Variants in DSC2 observed in about 807,000 individuals in gnomAD.
DSC2 encodes the protein desmocollin 2.
DSC2 carries 51 observed loss-of-function variants against 87.6 expected under a neutral mutation model. The observed-to-expected ratio is 0.58, with a 90% CI of 0.46 to 0.74. The LOEUF (loss-of-function observed/expected upper bound fraction) is 0.74, where lower values mean the gene tolerates loss of function less well. Among genes scored for constraint, DSC2 ranks in the 30% least tolerant of loss-of-function variants. The pLI is 0.00. For synonymous variants in DSC2, 383 were observed against 393.2 expected (o/e 0.97, Z 0.31); for missense variants, 1,066 against 1,089.5 (o/e 0.98, Z 0.30).
At position 31,086,549 on chromosome 18, in the gene DSC2, A is replaced by G. The variant is rs184982819; in HGVS notation, c.942+27T>C. On this transcript the variant is annotated intron_variant, in intron 7 of 15. Transcript: ENST00000280904. ...GGTACTATTGAATAGCCACGTTATA[A>G]TCAGGTTTTATTAATGTTTATGTTA... 88 of 1,613,852 alleles carry G rather than the reference A, an allele frequency of 5.5e-5. No individual in the cohort carries two copies. The East Asian group carries it at 1.7e-3, about 31-fold the overall frequency.
Position 31,102,180 on chromosome 18 carries a change from G to T in DSC2, c.-209C>A. 2.1e-6 allele frequency: 1 copy of T among 476,712 alleles called. No individual in the cohort carries two copies. Among genetic ancestry groups the T allele is most frequent in the Non-Finnish European group, 3.6e-6 (1 of 274,488 alleles). The allele number at this position is 476,712 out of a possible 1,614,324, so 29.5% of individuals were successfully genotyped here. ...GGGGCTTTTCCTTTGGCGGAGGGAG[G>T]GGCTCCAGACGCGTCCAAAAGACAC... On this transcript the variant is annotated 5_prime_UTR_variant, in exon 1 of 16. Coordinates refer to ENST00000280904, the MANE Select transcript of DSC2 (RefSeq NM_024422.6).
chr18:31,074,059 T>C (rs1325549552), intron 12 of DSC2, among the ~76,000 whole-genome samples: 5 of 152,302 alleles, frequency 3.3e-5, no homozygotes, highest in African/African-American at 9.6e-5. Context: ...CATACACTGA[T>C]GGAACAATAA....
chr18:31,084,936 T>G (rs186239167), intron 7 of DSC2, among the ~76,000 whole-genome samples: 2 of 152,212 alleles, frequency 1.3e-5, no homozygotes, highest in East Asian at 3.9e-4. Flanking sequence ...TCTGCATTAC[T>G]TGGTGAACCA....
intron 1 of DSC2, among the ~76,000 whole-genome samples, chr18:31,100,681 G>C (rs1029388179): frequency 6.6e-6 from 1 of 152,226 alleles, no homozygotes; most frequent in Non-Finnish European, 1.5e-5. Flanking sequence ...GAGAGCGGAA[G>C]AGAAGGGGAA....
Position 31,087,767 on chromosome 18 carries a change from G to T in DSC2, c.677C>A (p.Pro226Gln). The T allele has an allele frequency of 1.9e-6, 3 of 1,613,786 alleles. No individual in the cohort carries two copies. The highest frequency in any genetic ancestry group is 2.5e-6 in the Non-Finnish European group (3 of 1,179,800). Residue 226 changes from proline (P) to glutamine (Q), a missense_variant, in exon 6 of 16, where the codon CCA (proline) becomes CAA (glutamine). Physicochemically the swap from Pro to Gln is moderately conservative, Grantham distance 76. Coordinates refer to ENST00000280904, the MANE Select transcript of DSC2 (RefSeq NM_024422.6). ...TTPDGYTPELPLPLIIKIEDE... is the reference protein window; with the variant it reads ...TTPDGYTPELQLPLIIKIEDE... ...CTCTATTTTGATTATTAGGGGCAGT[G>T]GAAGTTCTGGAGTATACCCATCTGG...
chr18:31,081,143 A>G (rs1292592691), intron 9 of DSC2, among the ~76,000 whole-genome samples: 1 of 152,186 alleles, frequency 6.6e-6, no homozygotes, highest in East Asian at 1.9e-4. Context: ...CCTAAGATGA[A>G]TAAAATTATT....
chr18:31,069,138 C>T lies in DSC2; in HGVS notation c.2264G>A (p.Gly755Asp). The T allele has an allele frequency of 6.2e-7, 1 of 1,614,072 alleles. No individual in the cohort carries two copies. The highest frequency in any genetic ancestry group is 1.1e-5 in the South Asian group (1 of 91,076). The part of the protein sequence containing the change: ...PGDDKVYSAN[G>D]FTTQTVGASA... The stretch of plus-strand genomic sequence containing the variant: ...AGCGCCCACAGTTTGGGTTGTGAAG[C>T]CATTCGCAGAATACTGAAATGAAAA... Residue 755 changes from glycine to aspartate, a missense_variant, in exon 15 of 16, where the codon GGC (glycine) becomes GAC (aspartate). Physicochemically the swap from Gly to Asp is moderately conservative, Grantham distance 94. Coordinates refer to ENST00000280904, the MANE Select transcript of DSC2 (RefSeq NM_024422.6).
At chr18:31,101,652 C>T (rs1001482753) in intron 1 of DSC2, 2 of 476,508 alleles carry the variant, frequency 4.2e-6, no homozygotes, top group African/African-American at 4.1e-5. Flanking sequence ...GGCCCGCTCC[C>T]GCCTCTCCTT....
At position 31,066,588 on chromosome 18, in the gene DSC2, T is replaced by C. The variant is rs1986626086; in HGVS notation, c.*1427A>G. On this transcript the variant is annotated 3_prime_UTR_variant, in exon 16 of 16. Transcript: ENST00000280904. The stretch of plus-strand genomic sequence containing the variant: ...GCACATTATAGATAATCAAAAATAT[T>C]AGAAACACATTTAAAATGTCCATAT... 1.3e-5 allele frequency: 2 copies of C among 152,088 alleles called. No homozygotes were observed. Among genetic ancestry groups the C allele is most frequent in the African/African-American group, 2.4e-5 (1 of 41,432 alleles). The allele number at this position is 152,088 out of a possible 1,614,324, so 9.4% of individuals were successfully genotyped here. A position where few individuals can be genotyped will look rare whatever the true frequency, so the allele number is the denominator to read the frequency against.
intron 5 of DSC2, 21 bp downstream of exon 5, chr18:31,089,418 T>A (rs767056797): frequency 6.2e-7 from 1 of 1,613,252 alleles, no homozygotes; most frequent in East Asian, 2.2e-5. Flanking sequence ...GCTAATACAG[T>A]ACACACATTT....
rs184786820 is a variant in DSC2, at chr18:31,069,496, C to T, written c.2251-345G>A. The stretch of plus-strand genomic sequence containing the variant: ...TTGGGAGGCCGAGGCAAGCAGATCA[C>T]TTGAAATGAGGAATTCAAGACCAGC... On this transcript the variant is annotated intron_variant, in intron 14 of 15. Transcript: ENST00000280904. Among the ~76,000 whole-genome samples the T allele has an allele frequency of 3.2e-3, 490 of 152,164 alleles. 2 individuals are homozygous for T. The highest frequency in any genetic ancestry group is 4.4e-3 in the Non-Finnish European group (300 of 68,004).
At chr18:31,068,442 T>C (rs953217384) in intron 15 of DSC2, 38 of 1,256,274 alleles carry the variant, frequency 3.0e-5, no homozygotes, top group Admixed American at 6.9e-5. Flanking sequence ...GCAGCAAGTA[T>C]ACAGGTGTTC....
intron 12 of DSC2, among the ~76,000 whole-genome samples, chr18:31,072,632 A>C (rs569369284): frequency 7.9e-5 from 12 of 152,196 alleles, no homozygotes; most frequent in Non-Finnish European, 1.6e-4. Flanking sequence ...GAAAAAAACA[A>C]TAAAAAACTA....
rs1016096263 is a variant in DSC2 at position 31,101,641 on chromosome 18, C to T, written c.69+262G>A. 6 of 452,442 alleles carry T rather than the reference C, an allele frequency of 1.3e-5. No individual in the cohort carries two copies. The East Asian group carries it at 1.9e-4, about 14-fold the overall frequency. 28.0% of individuals were successfully genotyped at this position (452,442 alleles called of 1,614,324 possible). ...GGCCACGATTTTGGCTGGGCGAAAGCGGCCCGCTCCCGCCTCTCCTTGAGT... is the reference window on the plus strand; with the variant it reads ...GGCCACGATTTTGGCTGGGCGAAAGTGGCCCGCTCCCGCCTCTCCTTGAGT... On this transcript the variant is annotated intron_variant, in intron 1 of 15. Coordinates refer to ENST00000280904, the MANE Select transcript of DSC2 (RefSeq NM_024422.6).
rs953768562 is a variant in DSC2 at position 31,059,793 on chromosome 18, TTA to T, written c.*8220_*8221del. ...CCTAGTTTTAAAATACTACTATAGTTTATGTCTTTTCCCATTTAATTAAAGTT... is the reference window on the plus strand; with the variant it reads ...CCTAGTTTTAAAATACTACTATAGTTTGTCTTTTCCCATTTAATTAAAGTT... On this transcript the variant is annotated 3_prime_UTR_variant, in exon 16 of 16. Coordinates refer to ENST00000280904, the MANE Select transcript of DSC2 (RefSeq NM_024422.6). 4 of 152,320 alleles carry T rather than the reference TTA, an allele frequency of 2.6e-5. No individual in the cohort carries two copies. The highest frequency in any genetic ancestry group is 3.4e-3 in the Middle Eastern group (1 of 294). 9.4% of individuals were successfully genotyped at this position (152,320 alleles called of 1,614,324 possible). A position where few individuals can be genotyped will look rare whatever the true frequency, so the allele number is the denominator to read the frequency against.
chr18:31,090,789 A>C (rs568883333), intron 4 of DSC2, among the ~76,000 whole-genome samples: 1 of 152,282 alleles, frequency 6.6e-6, no homozygotes, highest in Non-Finnish European at 1.5e-5. Flanking sequence ...TGATGTGACA[A>C]TTCATTAAGG....
rs1196205919 is a variant in DSC2 at position 31,061,648 on chromosome 18, T to G, written c.*6367A>C. The G allele has an allele frequency of 6.6e-6, 1 of 151,998 alleles. No individual in the cohort carries two copies. The highest frequency in any genetic ancestry group is 2.4e-5 in the African/African-American group (1 of 41,262). 9.4% of individuals were successfully genotyped at this position (151,998 alleles called of 1,614,324 possible). ...CTCTAGCTTCTTTTTGTTGCCTGTTTTTTAGCATTATGCTCTTTTGTTTTA... is the reference window on the plus strand; with the variant it reads ...CTCTAGCTTCTTTTTGTTGCCTGTTGTTTAGCATTATGCTCTTTTGTTTTA... On this transcript the variant is annotated 3_prime_UTR_variant, in exon 16 of 16. Coordinates refer to ENST00000280904, the MANE Select transcript of DSC2 (RefSeq NM_024422.6).
intron 1 of DSC2, 106 bp downstream of exon 1, chr18:31,101,797 A>G (rs992105198): frequency 4.2e-6 from 4 of 960,982 alleles, no homozygotes; most frequent in South Asian, 5.6e-5. Context: ...AGGCCCCTTC[A>G]CCCCAGCTTT....
rs757641297 is a variant in DSC2 at position 31,093,661 on chromosome 18, A to G, written c.70-18T>C. 1 of 1,530,510 alleles carries G rather than the reference A, an allele frequency of 6.5e-7. No individual in the cohort carries two copies. The highest frequency in any genetic ancestry group is 2.4e-5 in the East Asian group (1 of 41,678). The allele number at this position is 1,530,510 out of a possible 1,614,324, so 94.8% of individuals were successfully genotyped here. On this transcript the variant is annotated intron_variant, in intron 1 of 15. Transcript: ENST00000280904. The stretch of plus-strand genomic sequence containing the variant: ...ATTAAGATCTAAAAAATGAAAAAAA[A>G]TCAAATAAATATTATGCATAAAAAG...
Sources: gnomAD v4.1 joint callset for allele counts (sites outside exome capture counted in the v4.1 genomes callset) on GRCh38, gnomAD v4.1.1 for gene constraint, MANE v1.5 for transcripts, NCBI Gene and HGNC (gene_info 2026-07-23, HGNC 2026-07-21) for gene names.